Variants in ECHDC3 observed in about 807,000 individuals in gnomAD.
ECHDC3 encodes the protein enoyl-CoA hydratase domain containing 3.
Under a neutral mutation model 17.9 loss-of-function variants are expected in ECHDC3, and 20 were observed. The observed-to-expected ratio is 1.12, with a 90% CI of 0.79 to 1.63. The LOEUF (loss-of-function observed/expected upper bound fraction) is 1.63. Among genes scored for constraint, ECHDC3 ranks in the 40% most tolerant of loss-of-function variants. The pLI, the probability that ECHDC3 is intolerant of heterozygous loss-of-function variation, is 0.00. For synonymous variants in ECHDC3, 177 were observed against 149.7 expected (o/e 1.18, Z -1.33); for missense variants, 407 against 357.7 (o/e 1.14, Z -1.11).
chr10:11,749,750 TCCAGC>T (rs1832803346), intron 3 of ECHDC3, among the ~76,000 whole-genome samples, 158 bp downstream of exon 3: 5 of 2,758 alleles, frequency 1.8e-3, no homozygotes, highest in Admixed American at 8.9e-3. Context: ...ATCCCAGCAA[TCCAGC>T]AATTATTTGG....
chr10:11,748,193 TG>T (rs1300135461), intron 2 of ECHDC3, among the ~76,000 whole-genome samples: 4 of 151,842 alleles, frequency 2.6e-5, no homozygotes, highest in African/African-American at 9.7e-5. Context: ...CCATGTGGGA[TG>T]TTACCTGGAT....
chr10:11,759,647 G>C (rs1313144386), intron 4 of ECHDC3, among the ~76,000 whole-genome samples: 1 of 152,226 alleles, frequency 6.6e-6, no homozygotes, highest in Non-Finnish European at 1.5e-5. Context: ...AGAGTCCCTT[G>C]TGGGCTGTAG....
At chr10:11,755,748 T>C (rs992930357) in intron 4 of ECHDC3, 140 bp downstream of exon 4, 1 of 771,140 alleles carries the variant, frequency 1.3e-6, no homozygotes, top group Non-Finnish European at 2.0e-6. Flanking sequence ...TCTGGCTAGA[T>C]GGGCCAGGAT....
At chr10:11,750,833 A>C (rs1389115071) in intron 3 of ECHDC3, among the ~76,000 whole-genome samples, 3 of 152,260 alleles carry the variant, frequency 2.0e-5, no homozygotes, top group South Asian at 2.1e-4. Flanking sequence ...ACAGATGTTT[A>C]ATGATACAAG....
At chr10:11,762,556 A>G (rs1832965752) in intron 4 of ECHDC3, among the ~76,000 whole-genome samples, 1 of 152,188 alleles carries the variant, frequency 6.6e-6, no homozygotes, top group Non-Finnish European at 1.5e-5. Flanking sequence ...TGCAGCACGC[A>G]GTGGTTGTGA....
intron 4 of ECHDC3, among the ~76,000 whole-genome samples, chr10:11,761,627 A>C (rs1832952331): frequency 6.6e-6 from 1 of 152,206 alleles, no homozygotes; most frequent in South Asian, 2.1e-4. Flanking sequence ...TCTGGCTGTG[A>C]ATGCTACCTC....
intron 4 of ECHDC3, among the ~76,000 whole-genome samples, chr10:11,758,416 T>C (rs1434782761): frequency 6.6e-6 from 1 of 152,178 alleles, no homozygotes; most frequent in East Asian, 1.9e-4. Flanking sequence ...AACAGTCATT[T>C]TCTTGAGGCA....
intron 3 of ECHDC3, among the ~76,000 whole-genome samples, chr10:11,753,205 ACT>A (rs1289890377): frequency 7.5e-6 from 1 of 132,492 alleles, no homozygotes; most frequent in African/African-American, 2.7e-5. Context: ...ACATGGTGAA[ACT>A]CTGTCTCTAC....
chr10:11,763,958 T>C lies in ECHDC3; in HGVS notation c.*414T>C. The stretch of plus-strand genomic sequence containing the variant: ...CTCAGGAGAGGCGACACATTTCAAA[T>C]CTCCACGAGATATTCTCCACACAGA... On this transcript the variant is annotated 3_prime_UTR_variant, in exon 5 of 5. Transcript: ENST00000379215. The surrounding 1 kb of genome is among the most constrained non-coding windows in gnomAD (Gnocchi z 4.9). The C allele has an allele frequency of 1.0e-6, 1 of 994,304 alleles. No homozygotes were observed. Among genetic ancestry groups the C allele is most frequent in the Non-Finnish European group, 1.2e-6 (1 of 836,174 alleles). 61.6% of individuals were successfully genotyped at this position (994,304 alleles called of 1,614,324 possible). A position where few individuals can be genotyped will look rare whatever the true frequency, so the allele number is the denominator to read the frequency against.
chr10:11,743,080 C>T (rs1431174627), intron 1 of ECHDC3, among the ~76,000 whole-genome samples: 2 of 152,320 alleles, frequency 1.3e-5, no homozygotes, highest in East Asian at 1.9e-4. Flanking sequence ...CTCCTTGGCC[C>T]TCACACAGAG....
chr10:11,757,232 G>C (rs1832894227), intron 4 of ECHDC3, among the ~76,000 whole-genome samples: 1 of 152,320 alleles, frequency 6.6e-6, no homozygotes, highest in East Asian at 1.9e-4. Context: ...TTGAAACCTT[G>C]AAGTCAGCCC....
chr10:11,750,594 A>C (rs1270050711), intron 3 of ECHDC3, among the ~76,000 whole-genome samples: 6 of 152,240 alleles, frequency 3.9e-5, no homozygotes, highest in African/African-American at 1.2e-4. Flanking sequence ...TCCAGCTTTA[A>C]GTAATACATT....
chr10:11,748,354 GTA>G (rs1832785080), intron 2 of ECHDC3, among the ~76,000 whole-genome samples: 2 of 152,024 alleles, frequency 1.3e-5, no homozygotes, highest in African/African-American at 4.8e-5. Context: ...AGTCTCCTGA[GTA>G]GCTGGGACTA....
intron 1 of ECHDC3, among the ~76,000 whole-genome samples, chr10:11,746,545 C>T (rs1328129296): frequency 1.3e-5 from 2 of 152,238 alleles, no homozygotes; most frequent in Admixed American, 1.3e-4. Context: ...CCCCATCTTC[C>T]ATCACGTGAT....
In ECHDC3 at chr10:11,749,565, T is replaced by A. The variant is rs374956993; in HGVS notation, c.363T>A (p.His121Gln). 6 of 1,614,114 alleles carry A rather than the reference T, an allele frequency of 3.7e-6. No individual in the cohort carries two copies. Among genetic ancestry groups the A allele is most frequent in the Non-Finnish European group, 4.2e-6 (5 of 1,180,016 alleles). ...ELTEEQGRDY[H>Q]AEVFQTCSKV... ...CAGAGGAGCAAGGCCGTGATTACCA[T>A]GCCGAAGTATTTCAGACCTGTTCCA... is the stretch of plus-strand genomic sequence containing the variant. Residue 121 changes from histidine (H) to glutamine (Q), a missense_variant, in exon 3 of 5, where the codon CAT (histidine) becomes CAA (glutamine). Physicochemically the swap from His to Gln is conservative, Grantham distance 24. Coordinates refer to ENST00000379215, the MANE Select transcript of ECHDC3 (RefSeq NM_024693.5).
At chr10:11,759,660 C>T (rs1832925518) in intron 4 of ECHDC3, among the ~76,000 whole-genome samples, 1 of 152,196 alleles carries the variant, frequency 6.6e-6, no homozygotes, top group African/African-American at 2.4e-5. Context: ...GGCTGTAGCA[C>T]ACGGTTCTTG....
intron 4 of ECHDC3, among the ~76,000 whole-genome samples, chr10:11,761,933 CAGAAGACTA>C (rs1832958144): frequency 6.6e-6 from 1 of 151,990 alleles, no homozygotes; most frequent in African/African-American, 2.4e-5. Context: ...CAGAAATCAA[CAGAAGACTA>C]AAAAAAATGG....
At chr10:11,759,346 C>T (rs1564285291) in intron 4 of ECHDC3, among the ~76,000 whole-genome samples, 1 of 130,744 alleles carries the variant, frequency 7.6e-6, no homozygotes, top group Admixed American at 8.5e-5. Context: ...AACAGCAAAA[C>T]TCCATCTCTT....
chr10:11,762,860 C>T (rs1050106855), intron 4 of ECHDC3, among the ~76,000 whole-genome samples: 11 of 152,154 alleles, frequency 7.2e-5, no homozygotes, highest in African/African-American at 2.4e-4. Flanking sequence ...CTGGAACCCC[C>T]ACTCCCCGCC....
Sources: allele counts gnomAD v4.1 joint callset (sites outside exome capture counted in the v4.1 genomes callset), GRCh38; gene constraint gnomAD v4.1.1; non-coding constraint Gnocchi (gnomAD v3.1); transcripts MANE v1.5; gene names NCBI Gene and HGNC (gene_info 2026-07-23, HGNC 2026-07-21).